Variants in AFDN observed in about 807,000 individuals in gnomAD.
AFDN encodes the protein afadin.
AFDN carries 68 observed loss-of-function variants against 216.6 expected under a neutral mutation model. That is an observed-to-expected ratio of 0.31 (90% CI 0.26 to 0.38). The LOEUF (loss-of-function observed/expected upper bound fraction) is 0.38. Ranked by LOEUF, AFDN falls within the 10% of genes least tolerant of loss-of-function variation. The probability of loss-of-function intolerance (pLI) is 1.00; values close to 1 mark genes in which losing one functional copy is unlikely to be tolerated. For missense variants in AFDN, 2,136 were observed against 2,342.0 expected (o/e 0.91, Z 1.82); for synonymous variants, 868 against 853.7 (o/e 1.02, Z -0.29).
At chr6:167,960,472 T>C (rs1796930638) in intron 30 of AFDN, among the ~76,000 whole-genome samples, 1 of 152,242 alleles carries the variant, frequency 6.6e-6, no homozygotes, top group African/African-American at 2.4e-5. Context: ...GTGTAACACT[T>C]TCTTGCTCAG....
intron 1 of AFDN, among the ~76,000 whole-genome samples, chr6:167,829,978 C>G (rs1779649366): frequency 6.6e-6 from 1 of 152,098 alleles, no homozygotes; most frequent in African/African-American, 2.4e-5. Flanking sequence ...CTCTTTGTCA[C>G]TTGGATCCTA....
chr6:167,890,616 G>C (rs183903081), intron 7 of AFDN, among the ~76,000 whole-genome samples: 1 of 150,978 alleles, frequency 6.6e-6, no homozygotes, highest in African/African-American at 2.4e-5. Context: ...GATGTCTTTC[G>C]GTAGCTGTTA....
intron 1 of AFDN, among the ~76,000 whole-genome samples, chr6:167,841,887 T>C (rs1781111526): frequency 6.6e-6 from 1 of 152,140 alleles, no homozygotes; most frequent in East Asian, 1.9e-4. Context: ...AGCTGCCCTT[T>C]CATTCCTTCT....
At position 167,962,672 on chromosome 6, in the gene AFDN, G is replaced by A. The variant is rs960806876; in HGVS notation, c.4968+105G>A. ...AAGTTCTGTGTTTCTTAAGAAGCAC[G>A]AGGCAGAGCAGGGCCTGGCTCCCCC... On this transcript the variant is annotated intron_variant, in intron 31 of 33. Coordinates refer to ENST00000683244, the MANE Select transcript of AFDN (RefSeq NM_001386888.1). This position sits in a 1 kb window ranked among gnomAD's most constrained non-coding sequence, Gnocchi z 5.2. 20 of 1,578,510 alleles carry A rather than the reference G, an allele frequency of 1.3e-5. No homozygotes were observed. Among genetic ancestry groups the A allele is most frequent in the Admixed American group, 1.7e-5 (1 of 57,898 alleles).
In AFDN at chr6:167,902,565, T is replaced by C. The variant is rs1289598604; in HGVS notation, c.1650+179T>C. On this transcript the variant is annotated intron_variant, in intron 12 of 33. Transcript: ENST00000683244. ...ATGGATACTATGTTGTTTTCCTGTA[T>C]ATATGTACCTGTGATAAAGTTTAAT... is the stretch of plus-strand genomic sequence containing the variant. Among the ~76,000 whole-genome samples, 7 of 152,236 alleles carry C rather than the reference T, an allele frequency of 4.6e-5. No individual in the cohort carries two copies. In the East Asian group the frequency reaches 1.3e-3, roughly 29 times the overall value.
intron 9 of AFDN, among the ~76,000 whole-genome samples, chr6:167,894,510 G>T (rs1043966504): frequency 6.6e-6 from 1 of 152,158 alleles, no homozygotes; most frequent in African/African-American, 2.4e-5. Flanking sequence ...TTCTAATTTG[G>T]AGAGGGAATG....
chr6:167,886,079 T>G (rs1445045891), intron 6 of AFDN, among the ~76,000 whole-genome samples: 2 of 152,210 alleles, frequency 1.3e-5, no homozygotes, highest in Non-Finnish European at 2.9e-5. Context: ...CACAAAAATA[T>G]AGTAATCTCA....
intron 30 of AFDN, among the ~76,000 whole-genome samples, chr6:167,960,244 A>G (rs1796905600): frequency 6.6e-6 from 1 of 152,228 alleles, no homozygotes; most frequent in Admixed American, 6.5e-5. Flanking sequence ...AACTGCCTTG[A>G]TGACATTGGT....
intron 1 of AFDN, among the ~76,000 whole-genome samples, chr6:167,851,007 G>A (rs1447603417): frequency 1.3e-5 from 2 of 152,008 alleles, no homozygotes; most frequent in African/African-American, 2.4e-5. Flanking sequence ...CGATTCTCCT[G>A]CCTCCTGCAT....
intron 13 of AFDN, among the ~76,000 whole-genome samples, chr6:167,909,187 A>ATTTTTC (rs1249381139): frequency 6.6e-6 from 1 of 152,088 alleles, no homozygotes; most frequent in Non-Finnish European, 1.5e-5. Flanking sequence ...TTATAGAGGC[A>ATTTTTC]TTTTTCTTTT....
intron 30 of AFDN, among the ~76,000 whole-genome samples, chr6:167,959,459 G>A (rs1796836675): frequency 6.6e-6 from 1 of 152,158 alleles, no homozygotes; most frequent in African/African-American, 2.4e-5. Context: ...TCATTAATTT[G>A]TAATAAATGA....
At chr6:167,867,551 T>C (rs1438497846) in intron 2 of AFDN, among the ~76,000 whole-genome samples, 3 of 151,640 alleles carry the variant, frequency 2.0e-5, no homozygotes, top group Admixed American at 1.3e-4. Flanking sequence ...TGCCTCAGCC[T>C]CCTGAGTAGC....
In AFDN at chr6:167,943,158, T is replaced by C. The variant is rs1132306; in HGVS notation, c.3129T>C (p.Tyr1043=). 0.46 allele frequency: 738,994 copies of C among 1,610,834 alleles called. 173,907 individuals are homozygous for C. Among genetic ancestry groups the C allele is most frequent in the East Asian group, 0.8 (36,083 of 44,862 alleles). The change falls in exon 24 of 34, where the codon TAT becomes TAC. Residue 1043 remains tyrosine (Y), a synonymous_variant. Transcript: ENST00000683244. ...CTGGTCAAGATAAACTAGGAATCTA[T>C]GTGAAGTCGGTTGTGAAAGGAGGTG... The part of the protein sequence containing the change: ...KGAGQDKLGI[Y]VKSVVKGGAA...
intron 30 of AFDN, among the ~76,000 whole-genome samples, chr6:167,956,964 A>G (rs1011654713): frequency 1.3e-5 from 2 of 152,128 alleles, no homozygotes; most frequent in African/African-American, 2.4e-5. Context: ...CAGCCCTCCT[A>G]AGTCTCTCCT....
chr6:167,952,625 A>G (rs1024465007), intron 30 of AFDN: 1 of 379,838 alleles, frequency 2.6e-6, no homozygotes, highest in Non-Finnish European at 3.6e-6. Context: ...GCACAAAAGC[A>G]GCCACAGGCA....
intron 12 of AFDN, among the ~76,000 whole-genome samples, chr6:167,905,403 GT>G (rs1227618610): frequency 1.3e-5 from 2 of 151,992 alleles, no homozygotes; most frequent in Non-Finnish European, 2.9e-5. Flanking sequence ...AAAAATTTTC[GT>G]TTCTTAAAAA....
intron 15 of AFDN, among the ~76,000 whole-genome samples, chr6:167,912,526 C>T (rs968807431): frequency 6.6e-6 from 1 of 152,098 alleles, no homozygotes; most frequent in African/African-American, 2.4e-5. Flanking sequence ...TTCTTTTACC[C>T]AAGTTAGGAA....
chr6:167,849,701 A>G (rs1283637046), intron 1 of AFDN, among the ~76,000 whole-genome samples: 1 of 152,228 alleles, frequency 6.6e-6, no homozygotes, highest in Non-Finnish European at 1.5e-5. Context: ...AAGATTCTCA[A>G]AAACAGGAGT....
At chr6:167,893,965 G>T (rs1787925021) in intron 9 of AFDN, 59 bp downstream of exon 9, 10 of 1,218,462 alleles carry the variant, frequency 8.2e-6, no homozygotes, top group Non-Finnish European at 1.1e-5. Flanking sequence ...CTCATGGGCA[G>T]AATAGTGTTG....
Sources: gnomAD v4.1 joint callset for allele counts (sites outside exome capture counted in the v4.1 genomes callset) on GRCh38, gnomAD v4.1.1 for gene constraint, Gnocchi (gnomAD v3.1) non-coding constraint, MANE v1.5 for transcripts, NCBI Gene and HGNC (gene_info 2026-07-23, HGNC 2026-07-21) for gene names.